The following ANKS1B variants were observed in gnomAD, a reference collection of about 807,000 sequenced individuals.
The protein encoded by ANKS1B is ankyrin repeat and sterile alpha motif domain containing 1B.
In ANKS1B, 36 loss-of-function variants were observed where a neutral mutation model predicts 148.3. The ratio of observed to expected loss-of-function variants is 0.24; its 90% CI spans 0.19 to 0.32. The LOEUF is 0.32. Ranked by LOEUF, ANKS1B falls within the 10% of genes least tolerant of loss-of-function variation. The pLI is 1.00. For synonymous variants in ANKS1B, 542 were observed against 560.8 expected, an observed-to-expected ratio of 0.97 and a Z score of 0.47; for missense variants, 1,157 against 1,542.6, an observed-to-expected ratio of 0.75 and a Z score of 4.19.
At chr12:98,844,074 G>A (rs3907175) in intron 17 of ANKS1B, among the ~76,000 whole-genome samples, 3,069 of 152,158 alleles carry the variant, frequency 0.02, 103 homozygotes, top group African/African-American at 0.068. Context: ...CCACACCACC[G>A]AGGCACAGAA....
intron 4 of ANKS1B, among the ~76,000 whole-genome samples, 160 bp from the exon 5 acceptor site, chr12:99,782,257 C>A (rs574370049): frequency 5.3e-5 from 8 of 152,300 alleles, no homozygotes; most frequent in African/African-American, 1.9e-4. Context: ...ATTCTAAAAG[C>A]AAAATCCATC....
At chr12:99,484,520 T>G (rs566998354) in intron 10 of ANKS1B, among the ~76,000 whole-genome samples, 1 of 152,014 alleles carries the variant, frequency 6.6e-6, no homozygotes, top group Non-Finnish European at 1.5e-5. Context: ...TGTTGTATTA[T>G]GCCATTTAAG....
chr12:99,708,010 T>C (rs2056085836), intron 8 of ANKS1B, among the ~76,000 whole-genome samples: 1 of 152,044 alleles, frequency 6.6e-6, no homozygotes, highest in African/African-American at 2.4e-5. Context: ...CAAAACTCTA[T>C]AAGCAATGCG....
At chr12:99,300,981 G>A (rs1012631803) in intron 12 of ANKS1B, among the ~76,000 whole-genome samples, 3 of 152,178 alleles carry the variant, frequency 2.0e-5, no homozygotes, top group African/African-American at 4.8e-5. Flanking sequence ...GGTGCCACCA[G>A]CAAGCTGGAG....
At chr12:99,115,041 A>G (rs2061068214) in intron 15 of ANKS1B, among the ~76,000 whole-genome samples, 1 of 152,220 alleles carries the variant, frequency 6.6e-6, no homozygotes, top group Admixed American at 6.5e-5. Context: ...AAATTTGTTC[A>G]ACCATTGTGG....
chr12:98,871,391 GA>G (rs1335005928), intron 17 of ANKS1B, among the ~76,000 whole-genome samples: 1 of 152,072 alleles, frequency 6.6e-6, no homozygotes, highest in East Asian at 1.9e-4. Context: ...AAGTACATAA[GA>G]GTACAAAATA....
intron 4 of ANKS1B, among the ~76,000 whole-genome samples, chr12:99,796,632 T>TA (rs1483314651): frequency 1.3e-5 from 2 of 151,894 alleles, no homozygotes; most frequent in Non-Finnish European, 1.5e-5. Context: ...ATACAAATTT[T>TA]AAAAACCTAA....
At chr12:99,159,278 C>A (rs1020011717) in intron 14 of ANKS1B, among the ~76,000 whole-genome samples, 1 of 152,098 alleles carries the variant, frequency 6.6e-6, no homozygotes, top group Non-Finnish European at 1.5e-5. Context: ...TTGCCACGTG[C>A]GTATATTGTG....
At chr12:99,836,857 A>G (rs2084931896) in intron 1 of ANKS1B, among the ~76,000 whole-genome samples, 1 of 152,158 alleles carries the variant, frequency 6.6e-6, no homozygotes, top group Non-Finnish European at 1.5e-5. Context: ...TTTGGTGGCA[A>G]TTGTTTTTCC....
At chr12:99,121,321 A>ATGTGTGTGTGTGTGTGTG (rs57560069) in intron 15 of ANKS1B, among the ~76,000 whole-genome samples, 26 of 142,856 alleles carry the variant, frequency 1.8e-4, no homozygotes, top group African/African-American at 6.5e-4. Context: ...GTATGTAGGT[A>ATGTGTGTGTGTGTGTGTG]TGTGTGTGTG....
intron 9 of ANKS1B, among the ~76,000 whole-genome samples, chr12:99,555,620 CTACATTGTTGAGGGTT>C (rs1359618028): frequency 1.3e-5 from 2 of 152,080 alleles, no homozygotes; most frequent in Admixed American, 6.5e-5. Flanking sequence ...TCCTTCAATC[CTACATTGTTGAGGGTT>C]TTTAACATGA....
chr12:99,719,255 C>T (rs2057802440), intron 8 of ANKS1B, among the ~76,000 whole-genome samples: 1 of 152,200 alleles, frequency 6.6e-6, no homozygotes, highest in African/African-American at 2.4e-5. Flanking sequence ...CTTCCTCACA[C>T]CTGACACATA....
intron 10 of ANKS1B, among the ~76,000 whole-genome samples, chr12:99,468,746 T>C (rs2096181747): frequency 6.6e-6 from 1 of 152,210 alleles, no homozygotes; most frequent in South Asian, 2.1e-4. Flanking sequence ...TGAGATACCA[T>C]CTCACACCAG....
chr12:99,291,529 T>C (rs115251422), intron 12 of ANKS1B, among the ~76,000 whole-genome samples: 134 of 152,280 alleles, frequency 8.8e-4, no homozygotes, highest in African/African-American at 3.1e-3. Flanking sequence ...AGCATGGTTC[T>C]AGCATAAAAA....
At chr12:98,808,716 T>C (rs200785) in intron 19 of ANKS1B, among the ~76,000 whole-genome samples, 146,142 of 152,288 alleles carry the variant, frequency 0.96, 70,145 homozygotes, top group East Asian at 1. Context: ...GGAGTTACAG[T>C]AGAAACCTTC....
At chr12:99,053,085 T>C (rs1222426292) in intron 17 of ANKS1B, 72 bp downstream of exon 17, 3 of 1,380,040 alleles carry the variant, frequency 2.2e-6, no homozygotes, top group East Asian at 2.6e-5. Flanking sequence ...TCCAAACACT[T>C]ATAAAAAAAG....
chr12:99,939,078 A>T (rs1204111634), intron 1 of ANKS1B, among the ~76,000 whole-genome samples: 1 of 152,106 alleles, frequency 6.6e-6, no homozygotes, highest in African/African-American at 2.4e-5. Context: ...CTTATATATC[A>T]TCTGAAGGTT....
intron 8 of ANKS1B, among the ~76,000 whole-genome samples, chr12:99,764,931 G>T (rs2062501874): frequency 6.6e-6 from 1 of 152,138 alleles, no homozygotes; most frequent in Non-Finnish European, 1.5e-5. Flanking sequence ...TGGCAGCATT[G>T]CTCAGAATAA....
At chr12:99,237,047 A>G (rs2088118969) in intron 14 of ANKS1B, among the ~76,000 whole-genome samples, 1 of 152,216 alleles carries the variant, frequency 6.6e-6, no homozygotes, top group Non-Finnish European at 1.5e-5. Context: ...AACCTCCATG[A>G]TACAAGTTTA....
Sources: allele counts gnomAD v4.1 joint callset (sites outside exome capture counted in the v4.1 genomes callset), GRCh38; gene constraint gnomAD v4.1.1; transcripts MANE v1.5; gene names NCBI Gene and HGNC (gene_info 2026-07-23, HGNC 2026-07-21).